TMPRSS7: variants seen among roughly 807,000 people sequenced by gnomAD.
TMPRSS7 encodes transmembrane protease serine 7.
A neutral mutation model predicts 95.6 loss-of-function variants in TMPRSS7; 81 were observed. The ratio of observed to expected loss-of-function variants is 0.85; its 90% CI spans 0.71 to 1.02. The LOEUF is 1.02. Among genes scored for constraint, TMPRSS7 ranks in the 50% least tolerant of loss-of-function variants. The pLI is 0.00. For synonymous variants in TMPRSS7, 364 were observed against 337.8 expected, an observed-to-expected ratio of 1.08 and a Z score of -0.85; for missense variants, 945 against 955.2, an observed-to-expected ratio of 0.99 and a Z score of 0.14.
At chr3:112,044,757 C>T (rs2073255922) in intron 4 of TMPRSS7, among the ~76,000 whole-genome samples, 1 of 152,138 alleles carries the variant, frequency 6.6e-6, no homozygotes, top group East Asian at 1.9e-4. Context: ...CCACCCCCAC[C>T]CACTCCCAAT....
At chr3:112,069,955 G>A (rs2073621931) in intron 13 of TMPRSS7, among the ~76,000 whole-genome samples, 3 of 152,098 alleles carry the variant, frequency 2.0e-5, no homozygotes, top group Admixed American at 2.0e-4. Context: ...GCTTTCTCTT[G>A]TGGGTGTTTA....
At chr3:112,069,703 ATTCTTCTCTCTT>A (rs1468364210) in intron 13 of TMPRSS7, among the ~76,000 whole-genome samples, 1 of 151,430 alleles carries the variant, frequency 6.6e-6, no homozygotes, top group Non-Finnish European at 1.5e-5. Flanking sequence ...AGTCTATTTG[ATTCTTCTCTCTT>A]TTCTTCTTTA....
At chr3:112,038,434 A>G (rs1366112259) in intron 2 of TMPRSS7, 113 bp downstream of exon 2, 3 of 610,886 alleles carry the variant, frequency 4.9e-6, no homozygotes, top group East Asian at 5.5e-5. Context: ...CCTTTTTCCA[A>G]TATGGATACA....
chr3:112,043,876 T>C (rs540060122), intron 3 of TMPRSS7, among the ~76,000 whole-genome samples: 1 of 152,222 alleles, frequency 6.6e-6, no homozygotes, highest in Non-Finnish European at 1.5e-5. Flanking sequence ...TCGACGCTGG[T>C]GCACTGATAG....
chr3:112,052,903 T>C (rs1387057862), intron 9 of TMPRSS7, among the ~76,000 whole-genome samples: 4 of 149,824 alleles, frequency 2.7e-5, no homozygotes, highest in Admixed American at 2.0e-4. Flanking sequence ...TTGCTAGGGG[T>C]TGGGGGTGAG....
chr3:112,041,793 A>C, intron 2 of TMPRSS7, 127 bp from the exon 3 acceptor site: 1 of 635,080 alleles, frequency 1.6e-6, no homozygotes, highest in Non-Finnish European at 2.8e-6. Flanking sequence ...ACAGGCTCTG[A>C]ACCAGTTAGT....
At chr3:112,051,656 CT>C (rs375295933) in intron 9 of TMPRSS7, among the ~76,000 whole-genome samples, 29 of 89,954 alleles carry the variant, frequency 3.2e-4, no homozygotes, top group African/African-American at 5.6e-4. Flanking sequence ...ATCTATCTAT[CT>C]ATCTATCTAT....
chr3:112,054,738 T>TTTC (rs2073410253), intron 9 of TMPRSS7, among the ~76,000 whole-genome samples: 1 of 113,484 alleles, frequency 8.8e-6, no homozygotes, highest in Non-Finnish European at 1.8e-5. Context: ...GCTTTTTTTT[T>TTTC]TTTTTTTTTT....
At chr3:112,060,650 G>T (rs1003896988) in intron 10 of TMPRSS7, among the ~76,000 whole-genome samples, 1 of 152,172 alleles carries the variant, frequency 6.6e-6, no homozygotes, top group African/African-American at 2.4e-5. Context: ...CTGTTATCCT[G>T]TTCTTTTTCC....
rs770445907 is a variant in TMPRSS7 at position 112,047,982 on chromosome 3, CTCT to C, written c.959+20_959+22del. 1 of 1,603,432 alleles carries C rather than the reference CTCT, an allele frequency of 6.2e-7. No homozygotes were observed. The highest frequency in any genetic ancestry group is 1.1e-5 in the South Asian group (1 of 90,832). ...ATCTTGTACAGGTACGATGCAGGTA[CTCT>C]TCTTGGTGGGTAAAAATATTTTTCA... On this transcript the variant is annotated intron_variant, in intron 7 of 17. Coordinates refer to ENST00000452346, the Ensembl canonical transcript of TMPRSS7.
intron 6 of TMPRSS7, chr3:112,047,368 A>G (rs1318554): frequency 0.93 from 529,462 of 567,470 alleles, 249,246 homozygotes; most frequent in East Asian, 1. Flanking sequence ...CTAAACCATG[A>G]TGAAAACCAC....
chr3:112,064,591 G>A (rs1275490964), intron 12 of TMPRSS7, among the ~76,000 whole-genome samples: 1 of 152,060 alleles, frequency 6.6e-6, no homozygotes, highest in African/African-American at 2.4e-5. Context: ...TCAAACTCCT[G>A]GCCTCAAGCA....
rs149757947 is a variant in TMPRSS7 at position 112,068,025 on chromosome 3, A to T, written c.1666+1523A>T. Among the ~76,000 whole-genome samples the T allele has an allele frequency of 7.4e-3, 1,130 of 152,306 alleles. 14 individuals carry two copies. The highest frequency in any genetic ancestry group is 0.026 in the African/African-American group (1,060 of 41,550). ...TTTTTGTATAAGGTGTAAGGAAGGG[A>T]TCCACTTTCAGCTTTCTGCATAGCC... is the stretch of plus-strand genomic sequence containing the variant. On this transcript the variant is annotated intron_variant, in intron 13 of 17. Transcript: ENST00000452346.
At chr3:112,050,973 T>C (rs2073340561) in intron 9 of TMPRSS7, among the ~76,000 whole-genome samples, 190 bp downstream of exon 9, 1 of 152,218 alleles carries the variant, frequency 6.6e-6, no homozygotes, top group Non-Finnish European at 1.5e-5. Flanking sequence ...TAACTACTCT[T>C]AGCAGACTGG....
chr3:112,066,827 T>A (rs1400843776), intron 13 of TMPRSS7, among the ~76,000 whole-genome samples: 1 of 152,172 alleles, frequency 6.6e-6, no homozygotes, highest in Non-Finnish European at 1.5e-5. Flanking sequence ...AACACTTTTT[T>A]TCTTTCTTTT....
exon 8 of TMPRSS7, chr3:112,049,962 A>G: frequency 6.4e-7 from 1 of 1,557,384 alleles, no homozygotes; most frequent in Non-Finnish European, 8.8e-7. Flanking sequence ...TTTTGAGGTC[A>G]TTCCAGAACA....
chr3:112,070,323 G>A (rs1211138149), intron 13 of TMPRSS7, among the ~76,000 whole-genome samples: 2 of 152,210 alleles, frequency 1.3e-5, no homozygotes, highest in African/African-American at 2.4e-5. Context: ...GGGGTAGAGA[G>A]TTCTGTAGAT....
At chr3:112,067,747 T>G (rs1311059794) in intron 13 of TMPRSS7, among the ~76,000 whole-genome samples, 2 of 152,218 alleles carry the variant, frequency 1.3e-5, no homozygotes, top group Admixed American at 1.3e-4. Context: ...GTGAAATGGG[T>G]AGATTGCAAA....
chr3:112,057,965 A>T (rs2073452187), intron 10 of TMPRSS7, among the ~76,000 whole-genome samples: 1 of 152,072 alleles, frequency 6.6e-6, no homozygotes, highest in Non-Finnish European at 1.5e-5. Flanking sequence ...ACCTCAAGTG[A>T]TCCACCTTCC....
Sources: allele counts gnomAD v4.1 joint callset (sites outside exome capture counted in the v4.1 genomes callset), GRCh38; gene constraint gnomAD v4.1.1; transcripts MANE v1.5; gene names NCBI Gene and HGNC (gene_info 2026-07-23, HGNC 2026-07-21).